Variants in SUPT3H observed in about 807,000 individuals in gnomAD.
The protein encoded by SUPT3H is SPT3 homolog, SAGA and STAGA complex component.
SUPT3H carries 44 observed loss-of-function variants against 44.3 expected under a neutral mutation model. That is an observed-to-expected ratio of 0.99 (90% CI 0.78 to 1.28). The LOEUF (loss-of-function observed/expected upper bound fraction) is 1.28. Among genes scored for constraint, SUPT3H ranks in the 50% most tolerant of loss-of-function variants. SUPT3H has a pLI of 0.00. For synonymous variants in SUPT3H, 124 were observed against 125.6 expected, an observed-to-expected ratio of 0.99 and a Z score of 0.09; for missense variants, 380 against 387.1, an observed-to-expected ratio of 0.98 and a Z score of 0.15.
At chr6:44,916,144 T>C (rs945254709) in intron 10 of SUPT3H, among the ~76,000 whole-genome samples, 3 of 152,212 alleles carry the variant, frequency 2.0e-5, no homozygotes, top group Non-Finnish European at 4.4e-5. Context: ...TCCACACTAG[T>C]AGAAGTTTAG....
chr6:44,904,199 T>C (rs1765600276), intron 10 of SUPT3H, among the ~76,000 whole-genome samples: 1 of 151,942 alleles, frequency 6.6e-6, no homozygotes, highest in African/African-American at 2.4e-5. Context: ...AAATAAAGGG[T>C]ATTCAATTAG....
chr6:45,200,168 C>G (rs977876580), intron 2 of SUPT3H, among the ~76,000 whole-genome samples: 7 of 151,474 alleles, frequency 4.6e-5, no homozygotes, highest in Non-Finnish European at 7.4e-5. Flanking sequence ...AGTAACAATA[C>G]TCAGTGTAAA....
At chr6:45,169,730 C>CT (rs1338840172) in intron 2 of SUPT3H, among the ~76,000 whole-genome samples, 1 of 151,616 alleles carries the variant, frequency 6.6e-6, no homozygotes, top group African/African-American at 2.4e-5. Context: ...AATCTAAGAG[C>CT]TTTTTTCTGT....
intron 2 of SUPT3H, among the ~76,000 whole-genome samples, chr6:45,127,630 G>GT (rs2153582198): frequency 6.6e-6 from 1 of 152,222 alleles, no homozygotes; most frequent in South Asian, 2.1e-4. Context: ...GTAGCTAGGA[G>GT]TTTATCTGTT....
intron 2 of SUPT3H, among the ~76,000 whole-genome samples, chr6:45,281,992 AT>A (rs1265711210): frequency 6.6e-6 from 1 of 152,202 alleles, no homozygotes; most frequent in Non-Finnish European, 1.5e-5. Flanking sequence ...TAGAGTGGAC[AT>A]CCAGCAAACT....
chr6:45,091,752 T>C (rs2153563314), intron 3 of SUPT3H, among the ~76,000 whole-genome samples: 1 of 152,194 alleles, frequency 6.6e-6, no homozygotes, highest in East Asian at 1.9e-4. Flanking sequence ...CTTAATTCCT[T>C]AAGGATATTT....
At chr6:44,901,185 C>G (rs1177662942) in intron 10 of SUPT3H, among the ~76,000 whole-genome samples, 3 of 152,146 alleles carry the variant, frequency 2.0e-5, no homozygotes, top group Non-Finnish European at 2.9e-5. Flanking sequence ...ATGACTTTGA[C>G]AAGTTGAGAG....
chr6:45,030,497 G>GT (rs1302357797), intron 3 of SUPT3H, among the ~76,000 whole-genome samples: 2 of 151,948 alleles, frequency 1.3e-5, no homozygotes, highest in Non-Finnish European at 2.9e-5. Context: ...GAATTTCTTA[G>GT]TTTTTTTCAG....
rs1799210294 is a variant in SUPT3H at position 45,105,934 on chromosome 6, C to T, written c.174G>A (p.Gln58=). 2.5e-6 allele frequency: 4 copies of T among 1,613,096 alleles called. No homozygotes were observed. Among genetic ancestry groups the T allele is most frequent in the Non-Finnish European group, 3.4e-6 (4 of 1,179,442 alleles). The part of the protein sequence containing the change: ...AVLVEDVVHT[Q]LINLLQQAAE... ...TATATGCTCTTACCAGATTAATTAA[C>T]TGAGTGTGTACCACATCTTCTACCA... Residue 58 remains glutamine, a synonymous_variant, in exon 3 of 11, where the codon CAG becomes CAA. Transcript: ENST00000371459.
intron 3 of SUPT3H, among the ~76,000 whole-genome samples, chr6:45,062,508 G>C (rs1287735930): frequency 6.6e-6 from 1 of 152,190 alleles, no homozygotes; most frequent in Admixed American, 6.5e-5. Context: ...CAGCGTGAGC[G>C]ACGCAGAAGA....
chr6:44,960,814 A>G (rs1262384120), intron 7 of SUPT3H, among the ~76,000 whole-genome samples: 1 of 152,192 alleles, frequency 6.6e-6, no homozygotes, highest in Non-Finnish European at 1.5e-5. Flanking sequence ...TAGTCAGAAA[A>G]AAAAAATCTT....
intron 2 of SUPT3H, among the ~76,000 whole-genome samples, chr6:45,162,991 T>C (rs1272754656): frequency 6.6e-6 from 1 of 152,170 alleles, no homozygotes; most frequent in Non-Finnish European, 1.5e-5. Flanking sequence ...TTTTCTTGTT[T>C]TGATAGAGCA....
intron 2 of SUPT3H, among the ~76,000 whole-genome samples, chr6:45,281,397 A>C (rs1284956919): frequency 6.6e-6 from 1 of 152,182 alleles, no homozygotes; most frequent in Non-Finnish European, 1.5e-5. Context: ...CCACCCTAAT[A>C]CTGCGCTTTT....
chr6:44,809,958 C>T (rs2153402028), intron 11 of SUPT3H, among the ~76,000 whole-genome samples: 1 of 152,304 alleles, frequency 6.6e-6, no homozygotes, highest in South Asian at 2.1e-4. Flanking sequence ...GATATAATTT[C>T]TTAGTGCCAG....
At chr6:45,053,808 G>A (rs557465211) in intron 3 of SUPT3H, among the ~76,000 whole-genome samples, 7 of 150,388 alleles carry the variant, frequency 4.7e-5, no homozygotes, top group South Asian at 2.1e-4. Flanking sequence ...CCAGCTCCTC[G>A]GGAGGCTGAG....
chr6:45,134,191 C>G (rs1803916495), intron 2 of SUPT3H, among the ~76,000 whole-genome samples: 1 of 152,038 alleles, frequency 6.6e-6, no homozygotes, highest in Non-Finnish European at 1.5e-5. Context: ...GGTGAAAGGG[C>G]AAGAGAGTGC....
chr6:45,077,454 C>T (rs1795143989), intron 3 of SUPT3H, among the ~76,000 whole-genome samples: 1 of 151,688 alleles, frequency 6.6e-6, no homozygotes. Flanking sequence ...TAGTGAAACC[C>T]TGTCTCTACA....
At chr6:45,211,739 C>T (rs1451825349) in intron 2 of SUPT3H, among the ~76,000 whole-genome samples, 1 of 152,058 alleles carries the variant, frequency 6.6e-6, no homozygotes, top group African/African-American at 2.4e-5. Context: ...ATCCCAGCTA[C>T]ACGGGAGGCT....
At chr6:44,908,722 G>A (rs781718569) in intron 10 of SUPT3H, among the ~76,000 whole-genome samples, 33 of 152,008 alleles carry the variant, frequency 2.2e-4, no homozygotes, top group Non-Finnish European at 4.3e-4. Flanking sequence ...GCAAAGAACT[G>A]TGGAAAGGTA....
Sources: allele counts gnomAD v4.1 joint callset (sites outside exome capture counted in the v4.1 genomes callset), GRCh38; gene constraint gnomAD v4.1.1; transcripts MANE v1.5; gene names NCBI Gene and HGNC (gene_info 2026-07-23, HGNC 2026-07-21).